The following DOCK6 variants were observed in gnomAD, a reference collection of about 807,000 sequenced individuals.
The protein encoded by DOCK6 is dedicator of cytokinesis protein 6.
A neutral mutation model predicts 230.3 loss-of-function variants in DOCK6; 167 were observed. The observed-to-expected ratio is 0.73, with a 90% CI of 0.64 to 0.82. DOCK6 has a LOEUF of 0.82. DOCK6 is among the 40% of genes least tolerant of loss of function. The pLI is 0.00. For missense variants in DOCK6, 2,598 were observed against 2,825.8 expected (o/e 0.92, Z 1.83); for synonymous variants, 1,148 against 1,185.0 (o/e 0.97, Z 0.64).
chr19:11,243,140 G>C lies in DOCK6; in HGVS notation c.1399C>G (p.Leu467Val), dbSNP rs377436982. 1 of 1,613,928 alleles carries C rather than the reference G, an allele frequency of 6.2e-7. No individual in the cohort carries two copies. The highest frequency in any genetic ancestry group is 1.3e-5 in the African/African-American group (1 of 75,058). Residue 467 changes from leucine (L) to valine (V), a missense_variant, in exon 13 of 48, where the codon CTC (leucine) becomes GTC (valine). Coordinates refer to ENST00000294618, the MANE Select transcript of DOCK6 (RefSeq NM_020812.4). This position sits in a 1 kb window ranked among gnomAD's most constrained non-coding sequence, Gnocchi z 6.3. ...AACTTGAAGAGGTCCTCGTCACTGA[G>C]TCGCTCAGCCTCCTACATGGGACCC... ...TNFFKQEAER[L>V]SDEDLFKFLA... is the part of the protein sequence containing the mutation.
chr19:11,252,338 A>G (rs1380356977), intron 4 of DOCK6, 90 bp from the exon 5 acceptor site: 4 of 1,570,840 alleles, frequency 2.5e-6, no homozygotes, highest in Non-Finnish European at 3.5e-6. Flanking sequence ...TGGCACCTTC[A>G]AAGCCACCGT....
chr19:11,213,728 C>T (rs1028214621), intron 34 of DOCK6, among the ~76,000 whole-genome samples: 3 of 151,690 alleles, frequency 2.0e-5, no homozygotes, highest in Admixed American at 2.0e-4. Flanking sequence ...ATCCTCCTGC[C>T]TCAGCCTCCC....
rs1353012839 is a variant in DOCK6, at chr19:11,202,248, G to C, written c.5452-123C>G. ...AAGTCTTCCTATGTCTGGATGTTTG[G>C]GAATCCCCTGAGGAATAGGTTTTGG... On this transcript the variant is annotated intron_variant, in intron 43 of 47. Coordinates refer to ENST00000294618, the MANE Select transcript of DOCK6 (RefSeq NM_020812.4). The surrounding 1 kb of genome is among the most constrained non-coding windows in gnomAD (Gnocchi z 5.3). 4 of 1,374,578 alleles carry C rather than the reference G, an allele frequency of 2.9e-6. No homozygotes were observed. The highest frequency in any genetic ancestry group is 4.0e-6 in the Non-Finnish European group (4 of 993,890). 85.1% of individuals were successfully genotyped at this position (1,374,578 alleles called of 1,614,324 possible).
At chr19:11,256,040 G>A (rs775276148) in intron 1 of DOCK6, among the ~76,000 whole-genome samples, 13 of 151,912 alleles carry the variant, frequency 8.6e-5, no homozygotes, top group African/African-American at 1.9e-4. Flanking sequence ...CGCCCGTCTC[G>A]GCCTCCCAAA....
chr19:11,245,554 A>T lies in DOCK6; in HGVS notation c.1023+9T>A. 1 of 1,553,340 alleles carries T rather than the reference A, an allele frequency of 6.4e-7. No individual in the cohort carries two copies. Among genetic ancestry groups the T allele is most frequent in the Non-Finnish European group, 8.7e-7 (1 of 1,147,976 alleles). ...CATTACCACCCCCTTGCCCAGCCCC[A>T]GCAGGCACCTTGATGACCAGGAAGA... On this transcript the variant is annotated intron_variant, in intron 9 of 47. Transcript: ENST00000294618.
intron 1 of DOCK6, among the ~76,000 whole-genome samples, chr19:11,260,882 C>CAAAAAAAAAAAAAAAAAAAAAAAAAAA (rs59900669): frequency 3.2e-5 from 2 of 61,766 alleles, no homozygotes; most frequent in African/African-American, 1.4e-4. Context: ...GACTCTGTCT[C>CAAAAAAAAAAAAAAAAAAAAAAAAAAA]AAAAAAAAAA....
At position 11,252,212 on chromosome 19, in the gene DOCK6, G is replaced by A; in HGVS notation, c.414C>T (p.Thr138=). ...TCTGTCGCTCCCGCTGTGTGTCTGTGGTGACGGGGCTGTATGCTGCACTCA... is the reference window on the plus strand; with the variant it reads ...TCTGTCGCTCCCGCTGTGTGTCTGTAGTGACGGGGCTGTATGCTGCACTCA... The part of the protein sequence containing the change: ...QYLSAAYSPV[T]TDTQRERQKG... Residue 138 remains threonine, a synonymous_variant, in exon 5 of 48, where the codon ACC becomes ACT. Coordinates refer to ENST00000294618, the MANE Select transcript of DOCK6 (RefSeq NM_020812.4). The A allele has an allele frequency of 3.8e-6, 6 of 1,583,352 alleles. No homozygotes were observed. The highest frequency in any genetic ancestry group is 5.2e-6 in the Non-Finnish European group (6 of 1,164,832).
intron 1 of DOCK6, 62 bp downstream of exon 1, chr19:11,262,335 C>T (rs1263083020): frequency 3.5e-6 from 4 of 1,156,530 alleles, no homozygotes; most frequent in Non-Finnish European, 4.3e-6. Flanking sequence ...GAGGGTCGCA[C>T]CGCCCCGGGG....
At chr19:11,241,440 C>G (rs1229152279) in intron 14 of DOCK6, 1 of 1,544,280 alleles carries the variant, frequency 6.5e-7, no homozygotes, top group African/African-American at 1.4e-5. Context: ...TTCTGACCCC[C>G]ACAGGCTCAC....
chr19:11,231,178 C>G (rs1460903137), intron 22 of DOCK6, among the ~76,000 whole-genome samples: 1 of 152,192 alleles, frequency 6.6e-6, no homozygotes, highest in Non-Finnish European at 1.5e-5. Context: ...GGAATAGGCC[C>G]TAGGGCCAAG....
rs2080307156 is a variant in DOCK6 at position 11,262,437 on chromosome 19, C to G, written c.4G>C (p.Ala2Pro). The G allele has an allele frequency of 8.2e-6, 10 of 1,222,226 alleles. No individual in the cohort carries two copies. The highest frequency in any genetic ancestry group is 1.0e-5 in the Non-Finnish European group (10 of 982,058). 75.7% of individuals were successfully genotyped at this position (1,222,226 alleles called of 1,614,324 possible). ...GCGAAGGCGCGGCGCTCGGAGGCAG[C>G]CATGGTCCTCGCGTCCCGCCGCCGC... M[A>P]ASERRAFAHK... The change falls in exon 1 of 48, where the codon GCT becomes CCT. Residue 2 changes from alanine to proline, a missense_variant. Ala to Pro is a conservative substitution (Grantham distance 27). Transcript: ENST00000294618.
intron 41 of DOCK6, chr19:11,203,729 G>A (rs961336208): frequency 5.2e-6 from 2 of 384,242 alleles, no homozygotes; most frequent in Non-Finnish European, 9.4e-6. Context: ...GATAGGGAGA[G>A]CCACGTGATA....
chr19:11,241,439 C>A (rs757450296), intron 14 of DOCK6: 11 of 1,543,738 alleles, frequency 7.1e-6, no homozygotes, highest in Non-Finnish European at 9.6e-6. Context: ...ATTCTGACCC[C>A]CACAGGCTCA....
chr19:11,223,976 G>A (rs979644610), intron 24 of DOCK6, among the ~76,000 whole-genome samples: 1 of 152,008 alleles, frequency 6.6e-6, no homozygotes, highest in African/African-American at 2.4e-5. Flanking sequence ...GAGCTTTACT[G>A]AGCATCTACT....
chr19:11,213,399 A>C, intron 34 of DOCK6, 71 bp from the exon 35 acceptor site: 1 of 1,544,326 alleles, frequency 6.5e-7, no homozygotes, highest in Non-Finnish European at 8.8e-7. Flanking sequence ...ACTGGCCCAA[A>C]TGAGGACTGC....
intron 24 of DOCK6, among the ~76,000 whole-genome samples, chr19:11,226,846 C>T (rs2079673360): frequency 6.6e-6 from 1 of 152,198 alleles, no homozygotes; most frequent in East Asian, 1.9e-4. Context: ...ACATCAACAT[C>T]CATTTATTGA....
At chr19:11,207,173 G>A (rs2079276426) in intron 39 of DOCK6, among the ~76,000 whole-genome samples, 1 of 152,030 alleles carries the variant, frequency 6.6e-6, no homozygotes, top group Non-Finnish European at 1.5e-5. Flanking sequence ...ACTTGAAGAT[G>A]CATGCGAATA....
At chr19:11,214,186 A>G (rs2079439931) in intron 34 of DOCK6, 89 bp downstream of exon 34, 3 of 1,467,862 alleles carry the variant, frequency 2.0e-6, no homozygotes, top group African/African-American at 2.8e-5. Context: ...CAGCCTCCCA[A>G]AGTGCTGGGA....
chr19:11,253,898 C>A, intron 1 of DOCK6, 172 bp from the exon 2 acceptor site: 1 of 533,226 alleles, frequency 1.9e-6, no homozygotes, highest in Non-Finnish European at 3.3e-6. Context: ...TCCCCCAACG[C>A]GTTCCCCATC....
Sources: allele counts gnomAD v4.1 joint callset (sites outside exome capture counted in the v4.1 genomes callset), GRCh38; gene constraint gnomAD v4.1.1; non-coding constraint Gnocchi (gnomAD v3.1); transcripts MANE v1.5; gene names NCBI Gene and HGNC (gene_info 2026-07-23, HGNC 2026-07-21).